Variants in CTNND2 observed in about 807,000 individuals in gnomAD.
CTNND2 encodes catenin delta-2.
A neutral mutation model predicts 144.4 loss-of-function variants in CTNND2; 22 were observed. That is an observed-to-expected ratio of 0.15 (90% CI 0.11 to 0.22). CTNND2 has a LOEUF of 0.22. Among genes scored for constraint, CTNND2 ranks in the 10% least tolerant of loss-of-function variants. The pLI is 1.00. For synonymous variants in CTNND2, 751 were observed against 695.6 expected (o/e 1.08, Z -1.25); for missense variants, 1,353 against 1,618.8 (o/e 0.84, Z 2.82).
chr5:11,399,141 A>G lies in CTNND2; in HGVS notation c.440-1938T>C, dbSNP rs572517939. Among the ~76,000 whole-genome samples the G allele has an allele frequency of 2.0e-5, 3 of 152,282 alleles. No homozygotes were observed. The East Asian group carries it at 5.8e-4, about 29-fold the overall frequency. On this transcript the variant is annotated intron_variant, in intron 5 of 21. Coordinates refer to ENST00000304623, the MANE Select transcript of CTNND2 (RefSeq NM_001332.4). ...TTTTCAGCTGGGTGGTCACCATTCTACCTGACAAAGGAGGGCTGCCTGCTG... is the reference window on the plus strand; with the variant it reads ...TTTTCAGCTGGGTGGTCACCATTCTGCCTGACAAAGGAGGGCTGCCTGCTG...
At chr5:11,882,985 T>C (rs1736238353) in intron 1 of CTNND2, among the ~76,000 whole-genome samples, 1 of 152,174 alleles carries the variant, frequency 6.6e-6, no homozygotes, top group Non-Finnish European at 1.5e-5. Flanking sequence ...TCAGTTTCTT[T>C]CATCAATATT....
At chr5:11,042,975 CAA>C (rs1387438950) in intron 16 of CTNND2, among the ~76,000 whole-genome samples, 1 of 152,052 alleles carries the variant, frequency 6.6e-6, no homozygotes, top group Non-Finnish European at 1.5e-5. Context: ...TTCTTACCAA[CAA>C]AAGAGATAGT....
chr5:11,181,897 G>A (rs1242113234), intron 11 of CTNND2, among the ~76,000 whole-genome samples: 1 of 148,160 alleles, frequency 6.7e-6, no homozygotes, highest in Non-Finnish European at 1.5e-5. Context: ...GATGTGTGTG[G>A]TGTGTATGTG....
intron 1 of CTNND2, among the ~76,000 whole-genome samples, chr5:11,853,494 C>A (rs1373415466): frequency 6.6e-6 from 1 of 152,104 alleles, no homozygotes; most frequent in East Asian, 1.9e-4. Flanking sequence ...CTTTAAATAT[C>A]ACACCTACAT....
intron 1 of CTNND2, among the ~76,000 whole-genome samples, chr5:11,861,125 C>T (rs1795485403): frequency 6.6e-6 from 1 of 152,132 alleles, no homozygotes; most frequent in South Asian, 2.1e-4. Flanking sequence ...TTTTTTACGT[C>T]TGTACTGCAT....
intron 9 of CTNND2, among the ~76,000 whole-genome samples, chr5:11,309,544 G>A (rs1465211712): frequency 6.6e-6 from 1 of 152,208 alleles, no homozygotes; most frequent in African/African-American, 2.4e-5. Context: ...GATCTTGGAA[G>A]TAACTAACTT....
intron 18 of CTNND2, among the ~76,000 whole-genome samples, chr5:11,003,754 A>C (rs750564621): frequency 6.6e-5 from 10 of 152,244 alleles, no homozygotes; most frequent in Non-Finnish European, 1.0e-4. Flanking sequence ...TTAGAGTTAA[A>C]TATTTAAACT....
At chr5:11,040,944 A>T (rs760044139) in intron 16 of CTNND2, among the ~76,000 whole-genome samples, 4 of 152,228 alleles carry the variant, frequency 2.6e-5, no homozygotes, top group Non-Finnish European at 5.9e-5. Context: ...GCTATCTAGC[A>T]AAGACCCAAG....
intron 10 of CTNND2, among the ~76,000 whole-genome samples, chr5:11,223,965 G>C (rs1179430151): frequency 1.3e-5 from 2 of 152,134 alleles, no homozygotes; most frequent in Non-Finnish European, 2.9e-5. Context: ...CACCTGGCCT[G>C]GGATCCCCTG....
At chr5:11,262,784 A>T (rs1233959117) in intron 9 of CTNND2, among the ~76,000 whole-genome samples, 1 of 148,256 alleles carries the variant, frequency 6.7e-6, no homozygotes, top group South Asian at 2.1e-4. Context: ...AAAAAAAAAA[A>T]AAAAGAAAGA....
intron 16 of CTNND2, among the ~76,000 whole-genome samples, chr5:11,059,592 C>T (rs1746718318): frequency 6.6e-6 from 1 of 152,104 alleles, no homozygotes; most frequent in African/African-American, 2.4e-5. Flanking sequence ...TACTACAGAG[C>T]TGGGTTTTAG....
At chr5:11,402,585 G>A (rs187183593) in intron 5 of CTNND2, among the ~76,000 whole-genome samples, 18 of 152,330 alleles carry the variant, frequency 1.2e-4, no homozygotes, top group Non-Finnish European at 5.9e-5. Flanking sequence ...AGCTACTGAT[G>A]ATAAAGTGGT....
intron 18 of CTNND2, among the ~76,000 whole-genome samples, chr5:11,015,240 T>C (rs1400499982): frequency 6.6e-6 from 1 of 152,204 alleles, no homozygotes; most frequent in African/African-American, 2.4e-5. Flanking sequence ...ATGAATGAAT[T>C]TGGTTTTCTC....
At chr5:11,209,895 C>T (rs1738449537) in intron 10 of CTNND2, among the ~76,000 whole-genome samples, 1 of 152,116 alleles carries the variant, frequency 6.6e-6, no homozygotes, top group African/African-American at 2.4e-5. Context: ...GCACTCCAGC[C>T]TGGGAGACAG....
At chr5:11,546,941 T>C (rs1000158628) in intron 3 of CTNND2, among the ~76,000 whole-genome samples, 2 of 152,112 alleles carry the variant, frequency 1.3e-5, no homozygotes, top group Non-Finnish European at 2.9e-5. Context: ...AATCTATGCA[T>C]CCTAACATGC....
chr5:11,576,193 T>A (rs1178057924), intron 2 of CTNND2, among the ~76,000 whole-genome samples: 1 of 152,086 alleles, frequency 6.6e-6, no homozygotes, highest in Non-Finnish European at 1.5e-5. Context: ...AAACTCAGTA[T>A]CCTAATTAAT....
intron 1 of CTNND2, among the ~76,000 whole-genome samples, chr5:11,748,879 T>C (rs1252031788): frequency 6.6e-6 from 1 of 152,002 alleles, no homozygotes; most frequent in Non-Finnish European, 1.5e-5. Flanking sequence ...TAGTGACCCT[T>C]TACACAAATA....
chr5:10,973,587 C>A lies in CTNND2; in HGVS notation c.3544G>T (p.Ala1182Ser). The A allele has an allele frequency of 1.2e-6, 2 of 1,614,046 alleles. No homozygotes were observed. Among genetic ancestry groups the A allele is most frequent in the Non-Finnish European group, 1.7e-6 (2 of 1,179,992 alleles). ...FEDQVHHRPP[A>S]SEYTMHLGLK... ...CCCAGGTGCATGGTGTACTCGCTGG[C>A]GGGAGGGCGATGGTGGACCTGGTCC... The change falls in exon 22 of 22, where the codon GCC (alanine) becomes TCC (serine). Residue 1182 changes from alanine to serine, a missense_variant. Ala to Ser is a moderately conservative substitution (Grantham distance 99). Around this residue, in one of 4 missense-constraint regions of CTNND2, gnomAD observed 459 missense variants for 674.3 expected, o/e 0.68. Transcript: ENST00000304623. This position sits in a 1 kb window ranked among gnomAD's most constrained non-coding sequence, Gnocchi z 5.6.
chr5:11,751,486 T>C (rs1788617044), intron 1 of CTNND2, among the ~76,000 whole-genome samples: 1 of 151,698 alleles, frequency 6.6e-6, no homozygotes, highest in East Asian at 1.9e-4. Flanking sequence ...AACATGAGGG[T>C]TGGTTTTCTG....
Sources: allele counts gnomAD v4.1 joint callset (sites outside exome capture counted in the v4.1 genomes callset), GRCh38; gene constraint gnomAD v4.1.1; regional missense constraint gnomAD v4.1.1; non-coding constraint Gnocchi (gnomAD v3.1); transcripts MANE v1.5; gene names NCBI Gene and HGNC (gene_info 2026-07-23, HGNC 2026-07-21).